ZNF385D: variants seen among roughly 807,000 people sequenced by gnomAD.
The protein encoded by ZNF385D is zinc finger protein 385D, also known as zinc finger protein 659.
In ZNF385D, 15 loss-of-function variants were observed where a neutral mutation model predicts 35.8. The observed-to-expected ratio is 0.42, with a 90% CI of 0.28 to 0.64. The LOEUF (loss-of-function observed/expected upper bound fraction) is 0.64, where lower values mean the gene tolerates loss of function less well. ZNF385D is among the 30% of genes least tolerant of loss of function. The pLI is 0.23. For missense variants in ZNF385D, 474 were observed against 494.6 expected (o/e 0.96, Z 0.39); for synonymous variants, 212 against 186.8 (o/e 1.13, Z -1.10).
At chr3:21,690,658 CT>C (rs2067253211) in intron 1 of ZNF385D, among the ~76,000 whole-genome samples, 1 of 152,174 alleles carries the variant, frequency 6.6e-6, no homozygotes, top group South Asian at 2.1e-4. Context: ...ACACTTTTCT[CT>C]AGGCTCTACT....
In ZNF385D at chr3:21,499,055, T is replaced by C. The variant is rs1706158898; in HGVS notation, c.439+11806A>G. ...GGAGTGTAAACTAGTTCAGCCATGA[T>C]GGAAAGCAGTCTGGTGATTCCTTAA... On this transcript the variant is annotated intron_variant, in intron 4 of 7. Coordinates refer to ENST00000281523, the MANE Select transcript of ZNF385D (RefSeq NM_024697.3). Among the ~76,000 whole-genome samples the C allele has an allele frequency of 3.3e-5, 5 of 151,764 alleles. No individual in the cohort carries two copies. The South Asian group carries it at 8.3e-4, about 25-fold the overall frequency.
chr3:21,779,966 A>G (rs1289426208), intron 3 of ZNF385D, among the ~76,000 whole-genome samples: 1 of 151,908 alleles, frequency 6.6e-6, no homozygotes, highest in Non-Finnish European at 1.5e-5. Context: ...ATATCCAGGC[A>G]TTGTCTTACA....
At chr3:21,478,608 G>A (rs1704398768) in intron 4 of ZNF385D, among the ~76,000 whole-genome samples, 1 of 152,134 alleles carries the variant, frequency 6.6e-6, no homozygotes, top group South Asian at 2.1e-4. Flanking sequence ...ACTTAAATAT[G>A]TATCAAATAT....
At chr3:22,175,082 T>A (rs1694728754) in intron 2 of ZNF385D, among the ~76,000 whole-genome samples, 1 of 97,174 alleles carries the variant, frequency 1.0e-5, no homozygotes, top group Non-Finnish European at 2.3e-5. Flanking sequence ...ATCAGTCTAG[T>A]CCATTTCACA....
At chr3:21,628,670 C>T (rs933898444) in intron 2 of ZNF385D, among the ~76,000 whole-genome samples, 2 of 152,074 alleles carry the variant, frequency 1.3e-5, no homozygotes, top group African/African-American at 4.8e-5. Context: ...CTGAAACCTT[C>T]TTTAAAATAC....
chr3:22,127,271 C>A (rs760693476), intron 3 of ZNF385D, among the ~76,000 whole-genome samples: 3 of 129,732 alleles, frequency 2.3e-5, no homozygotes, highest in Non-Finnish European at 4.9e-5. Flanking sequence ...GTCCTATATT[C>A]TTTTTGTGAA....
chr3:21,546,877 G>A (rs533186911), intron 3 of ZNF385D, among the ~76,000 whole-genome samples: 3 of 152,086 alleles, frequency 2.0e-5, no homozygotes, highest in South Asian at 2.1e-4. Context: ...TTGCACTCAC[G>A]GTGGTGCCTG....
chr3:22,353,771 CCA>C (rs1315573312), intron 2 of ZNF385D, among the ~76,000 whole-genome samples: 1 of 152,100 alleles, frequency 6.6e-6, no homozygotes, highest in Non-Finnish European at 1.5e-5. Context: ...CCTACCTCAG[CCA>C]CACTCTCATC....
Position 22,155,708 on chromosome 3 carries a change from T to C in ZNF385D, c.325+13109A>G, listed in dbSNP as rs374784428. On this transcript the variant is annotated intron_variant, in intron 3 of 5. Coordinates refer to the ZNF385D transcript ENST00000494108. ...TACTTTTATAATATTGTAATTTTTC[T>C]GCCATAAAAATTGGATTTTGGTAGA... Among the ~76,000 whole-genome samples the C allele has an allele frequency of 3.9e-5, 6 of 152,222 alleles. 1 individual carries two copies. The highest frequency in any genetic ancestry group is 3.9e-4 in the East Asian group (2 of 5,174).
intron 3 of ZNF385D, among the ~76,000 whole-genome samples, chr3:21,966,616 C>CTGTA (rs1702928521): frequency 1.3e-5 from 2 of 152,334 alleles, no homozygotes; most frequent in South Asian, 4.1e-4. Context: ...CAGTCACACT[C>CTGTA]TGTAGCCCAG....
chr3:21,432,868 T>G (rs948294579), intron 5 of ZNF385D, among the ~76,000 whole-genome samples: 2 of 151,824 alleles, frequency 1.3e-5, no homozygotes, highest in Non-Finnish European at 2.9e-5. Flanking sequence ...ATCAATTAAT[T>G]GCAACTTCAA....
rs944932601 is a variant in ZNF385D, at chr3:21,414,034, G to C, written c.*7180C>G. The stretch of plus-strand genomic sequence containing the variant: ...CATTGGATAACACTAAATTTTCCCC[G>C]ACTGACCACTCTTGGTAGTCGATTT... On this transcript the variant is annotated 3_prime_UTR_variant, in exon 8 of 8. Coordinates refer to ENST00000281523, the MANE Select transcript of ZNF385D (RefSeq NM_024697.3). 2 of 151,876 alleles carry C rather than the reference G, an allele frequency of 1.3e-5. No homozygotes were observed. Among genetic ancestry groups the C allele is most frequent in the Non-Finnish European group, 2.9e-5 (2 of 67,952 alleles). The allele number at this position is 151,876 out of a possible 1,614,324, so 9.4% of individuals were successfully genotyped here. A position where few individuals can be genotyped will look rare whatever the true frequency, so the allele number is the denominator to read the frequency against.
chr3:21,897,321 TATATAGTAAGAACA>T (rs1357788431), intron 3 of ZNF385D, among the ~76,000 whole-genome samples: 2 of 152,142 alleles, frequency 1.3e-5, no homozygotes, highest in Admixed American at 1.3e-4. Context: ...TACTAAGAAC[TATATAGTAAGAACA>T]ATATAATAAG....
At chr3:21,566,327 G>GTATT (rs1248486794) in intron 2 of ZNF385D, among the ~76,000 whole-genome samples, 4 of 151,960 alleles carry the variant, frequency 2.6e-5, no homozygotes, top group African/African-American at 7.3e-5. Flanking sequence ...TCACTTTTAG[G>GTATT]TATTAACAAA....
At chr3:21,950,585 C>G (rs909471684) in intron 3 of ZNF385D, among the ~76,000 whole-genome samples, 3 of 151,670 alleles carry the variant, frequency 2.0e-5, no homozygotes, top group African/African-American at 7.3e-5. Context: ...CTTTTGTTGC[C>G]ATTGCTCTTG....
intron 3 of ZNF385D, among the ~76,000 whole-genome samples, chr3:21,795,924 T>G (rs999545769): frequency 6.6e-6 from 1 of 152,176 alleles, no homozygotes; most frequent in Non-Finnish European, 1.5e-5. Context: ...AGCTAATAAT[T>G]TGCTACAAAG....
intron 3 of ZNF385D, among the ~76,000 whole-genome samples, chr3:21,999,067 T>C (rs1353716338): frequency 6.6e-6 from 1 of 152,256 alleles, no homozygotes; most frequent in African/African-American, 2.4e-5. Context: ...TGTCTGCTTT[T>C]ACCAGACGTA....
intron 2 of ZNF385D, among the ~76,000 whole-genome samples, chr3:22,279,642 TA>T (rs1701635486): frequency 1.2e-5 from 1 of 82,482 alleles, no homozygotes; most frequent in African/African-American, 1.5e-4. Flanking sequence ...GTATATTTTA[TA>T]TATATATATA....
At position 21,932,560 on chromosome 3, in the gene ZNF385D, C is replaced by T. The variant is rs533506161; in HGVS notation, c.325+236257G>A. ...CTGACAAGTATCTGTAATGCAGTTACTTTATGTGGCTGATTACGTGGGGAG... is the reference window on the plus strand; with the variant it reads ...CTGACAAGTATCTGTAATGCAGTTATTTTATGTGGCTGATTACGTGGGGAG... On this transcript the variant is annotated intron_variant, in intron 3 of 5. Coordinates refer to the ZNF385D transcript ENST00000494108. 1.4e-4 allele frequency among the ~76,000 whole-genome samples: 21 copies of T among 151,886 alleles called. 1 individual carries two copies. In the South Asian group the frequency reaches 1.9e-3, roughly 14 times the overall value.
Sources: gnomAD v4.1 joint callset for allele counts (sites outside exome capture counted in the v4.1 genomes callset) on GRCh38, gnomAD v4.1.1 for gene constraint, MANE v1.5 for transcripts, NCBI Gene and HGNC (gene_info 2026-07-23, HGNC 2026-07-21) for gene names.